The following HACE1 variants were observed in gnomAD, a reference collection of about 807,000 sequenced individuals.
HACE1 encodes the protein HECT domain and ankyrin repeat containing E3 ubiquitin protein ligase 1.
Under a neutral mutation model 118.4 loss-of-function variants are expected in HACE1, and 73 were observed. The ratio of observed to expected loss-of-function variants is 0.62; its 90% CI spans 0.51 to 0.75. The LOEUF is 0.75. HACE1 is among the 30% of genes least tolerant of loss of function. HACE1 has a pLI of 0.00. For synonymous variants in HACE1, 368 were observed against 374.8 expected (o/e 0.98, Z 0.21); for missense variants, 749 against 1,102.2 (o/e 0.68, Z 4.54).
chr6:104,849,023 T>C, intron 4 of HACE1, 119 bp downstream of exon 4: 2 of 695,006 alleles, frequency 2.9e-6, no homozygotes, highest in Non-Finnish European at 5.2e-6. Context: ...ATATGCACCA[T>C]TATTTTAGTT....
intron 7 of HACE1, among the ~76,000 whole-genome samples, chr6:104,808,540 C>A (rs958520401): frequency 2.0e-5 from 3 of 152,076 alleles, no homozygotes; most frequent in Non-Finnish European, 4.4e-5. Context: ...TATCTTAATA[C>A]CATTCTAAAT....
chr6:104,737,378 C>T (rs1193218980), intron 22 of HACE1, among the ~76,000 whole-genome samples: 6 of 151,604 alleles, frequency 4.0e-5, no homozygotes, highest in South Asian at 2.1e-4. Flanking sequence ...GCGTGAGCCA[C>T]GCAAAAGATG....
At chr6:104,837,255 C>T (rs1482003066) in intron 5 of HACE1, among the ~76,000 whole-genome samples, 1 of 152,136 alleles carries the variant, frequency 6.6e-6, no homozygotes, top group Non-Finnish European at 1.5e-5. Context: ...CTACAGTAAT[C>T]GAGACAGTGT....
At chr6:104,760,228 T>C (rs1582701143) in intron 19 of HACE1, among the ~76,000 whole-genome samples, 1 of 152,150 alleles carries the variant, frequency 6.6e-6, no homozygotes. Flanking sequence ...TACCAAAGCC[T>C]GGCAGAGACA....
intron 6 of HACE1, among the ~76,000 whole-genome samples, chr6:104,826,558 A>C (rs1031151473): frequency 3.3e-5 from 5 of 152,230 alleles, no homozygotes; most frequent in Non-Finnish European, 7.3e-5. Flanking sequence ...ATTTACAATG[A>C]TGGTCATACC....
At chr6:104,757,923 G>A (rs770856841) in intron 19 of HACE1, among the ~76,000 whole-genome samples, 17 of 152,046 alleles carry the variant, frequency 1.1e-4, no homozygotes, top group Admixed American at 6.6e-5. Context: ...TAGCCGATTC[G>A]ATCAAGTGGA....
chr6:104,825,254 T>G (rs888560649), intron 6 of HACE1, among the ~76,000 whole-genome samples: 1 of 152,050 alleles, frequency 6.6e-6, no homozygotes, highest in Non-Finnish European at 1.5e-5. Flanking sequence ...AACCCTAACT[T>G]TCCACGCCTA....
intron 7 of HACE1, among the ~76,000 whole-genome samples, chr6:104,804,474 G>C (rs1770770799): frequency 6.6e-6 from 1 of 152,076 alleles, no homozygotes; most frequent in African/African-American, 2.4e-5. Flanking sequence ...ATACTACAAG[G>C]CTACAGTAAC....
In HACE1 at chr6:104,784,441, T is replaced by A; in HGVS notation, c.1454A>T (p.Glu485Val). 1 of 1,612,440 alleles carries A rather than the reference T, an allele frequency of 6.2e-7. No homozygotes were observed. The highest frequency in any genetic ancestry group is 8.5e-7 in the Non-Finnish European group (1 of 1,178,654). ...CCTATTAACAAAGCATTTTAAAACT[T>A]CATCATGTTTGCAGACAAATTCAAT... ...RFIEFVCKHDEVLKCFVNRNP... is the reference protein window; with the variant it reads ...RFIEFVCKHDVVLKCFVNRNP... Residue 485 changes from glutamate to valine, a missense_variant, in exon 13 of 24, where the codon GAA becomes GTA. Around this residue, in one of 5 missense-constraint regions of HACE1, gnomAD observed 195 missense variants for 322.1 expected, o/e 0.61. Coordinates refer to ENST00000262903, the MANE Select transcript of HACE1 (RefSeq NM_020771.4).
At chr6:104,757,380 C>T (rs557648190) in intron 19 of HACE1, among the ~76,000 whole-genome samples, 10 of 152,288 alleles carry the variant, frequency 6.6e-5, no homozygotes, top group South Asian at 2.1e-4. Flanking sequence ...CTGCAGCCTC[C>T]GCTGGTGATA....
intron 20 of HACE1, among the ~76,000 whole-genome samples, 160 bp downstream of exon 20, chr6:104,750,181 C>T (rs1227660267): frequency 6.6e-6 from 1 of 152,088 alleles, no homozygotes; most frequent in East Asian, 1.9e-4. Context: ...GATGCTCATC[C>T]ATAAATTTTA....
At chr6:104,788,453 G>T (rs1257654494) in intron 11 of HACE1, among the ~76,000 whole-genome samples, 3 of 152,032 alleles carry the variant, frequency 2.0e-5, no homozygotes, top group African/African-American at 7.2e-5. Context: ...ATTTCAAGAA[G>T]TGCTGAAATG....
intron 19 of HACE1, among the ~76,000 whole-genome samples, chr6:104,752,287 CA>C (rs1215782361): frequency 6.6e-6 from 1 of 152,124 alleles, no homozygotes; most frequent in Non-Finnish European, 1.5e-5. Context: ...ACCCAACAGT[CA>C]AACAGAAACA....
At chr6:104,836,456 T>C (rs1344126061) in intron 5 of HACE1, among the ~76,000 whole-genome samples, 3 of 152,168 alleles carry the variant, frequency 2.0e-5, no homozygotes, top group African/African-American at 7.2e-5. Context: ...CTCACACCTG[T>C]AATCCCAGCA....
At chr6:104,821,037 A>G (rs1051912715) in intron 6 of HACE1, among the ~76,000 whole-genome samples, 6 of 152,202 alleles carry the variant, frequency 3.9e-5, no homozygotes, top group African/African-American at 1.4e-4. Context: ...TGTCCTTTTC[A>G]GGGACATGAA....
chr6:104,851,377 C>G (rs1181960384), intron 2 of HACE1, among the ~76,000 whole-genome samples: 1 of 152,206 alleles, frequency 6.6e-6, no homozygotes, highest in African/African-American at 2.4e-5. Flanking sequence ...CCACCCCACC[C>G]GGCCTAGCTA....
chr6:104,731,734 A>C (rs1312097641), intron 22 of HACE1: 2 of 152,112 alleles, frequency 1.3e-5, no homozygotes, highest in African/African-American at 2.4e-5. Context: ...TGGATTGAAG[A>C]CCTAAATCTA....
At position 104,852,228 on chromosome 6, in the gene HACE1, T is replaced by TGTGTGTGTGTGTGTGTGTGCGC. The variant is rs142463116; in HGVS notation, c.131+88_131+89insGCGCACACACACACACACACAC. The TGTGTGTGTGTGTGTGTGTGCGC allele has an allele frequency of 9.1e-6, 6 of 661,246 alleles. No individual in the cohort carries two copies. The African/African-American group carries it at 1.5e-4, about 16-fold the overall frequency. 41.0% of individuals were successfully genotyped at this position (661,246 alleles called of 1,614,324 possible). ...GTGTGTGTGTGTGTGTGTGTGTGTGTGCGCGCGTGCGCGTGCACGGGCATG... is the reference window on the plus strand; with the variant it reads ...GTGTGTGTGTGTGTGTGTGTGTGTGTGTGTGTGTGTGTGTGTGTGCGCGCGCGCGTGCGCGTGCACGGGCATG... On this transcript the variant is annotated intron_variant, in intron 2 of 23. Transcript: ENST00000262903.
chr6:104,821,309 C>G (rs1425230172), intron 6 of HACE1, among the ~76,000 whole-genome samples: 2 of 151,904 alleles, frequency 1.3e-5, no homozygotes. Context: ...ATGTATCAAA[C>G]CTGTATTTGT....
Sources: allele counts gnomAD v4.1 joint callset (sites outside exome capture counted in the v4.1 genomes callset), GRCh38; gene constraint gnomAD v4.1.1; regional missense constraint gnomAD v4.1.1; transcripts MANE v1.5; gene names NCBI Gene and HGNC (gene_info 2026-07-23, HGNC 2026-07-21).